RIMBP2: variants seen among roughly 807,000 people sequenced by gnomAD.
RIMBP2 encodes RIMS-binding protein 2.
In RIMBP2, 48 loss-of-function variants were observed where a neutral mutation model predicts 118.6. The observed-to-expected ratio is 0.40, with a 90% CI of 0.32 to 0.51. The LOEUF (loss-of-function observed/expected upper bound fraction) is 0.51, where lower values mean the gene tolerates loss of function less well. Among genes scored for constraint, RIMBP2 ranks in the 20% least tolerant of loss-of-function variants. The pLI is 0.41. For synonymous variants in RIMBP2, 762 were observed against 742.9 expected, an observed-to-expected ratio of 1.03 and a Z score of -0.42; for missense variants, 1,551 against 1,768.3, an observed-to-expected ratio of 0.88 and a Z score of 2.20.
chr12:130,440,502 C>T (rs1010627202), intron 11 of RIMBP2, among the ~76,000 whole-genome samples: 4 of 152,170 alleles, frequency 2.6e-5, no homozygotes, highest in Non-Finnish European at 5.9e-5. Flanking sequence ...TGAATCTCTC[C>T]ATCTCAAAGT....
At chr12:130,665,489 C>T (rs549774905) in intron 1 of RIMBP2, among the ~76,000 whole-genome samples, 7 of 151,298 alleles carry the variant, frequency 4.6e-5, no homozygotes, top group Non-Finnish European at 8.8e-5. Flanking sequence ...CGTACCACAG[C>T]GAGCCGAGAT....
intron 2 of RIMBP2, among the ~76,000 whole-genome samples, chr12:130,555,462 C>T (rs1333872787): frequency 6.6e-6 from 1 of 152,150 alleles, no homozygotes; most frequent in African/African-American, 2.4e-5. Context: ...CTTTATTCCA[C>T]TTAATGAACT....
intron 3 of RIMBP2, among the ~76,000 whole-genome samples, chr12:130,517,207 T>C (rs995449212): frequency 6.6e-6 from 1 of 151,992 alleles, no homozygotes; most frequent in Non-Finnish European, 1.5e-5. Context: ...GCTGGCTTAA[T>C]AAGAAGAGGA....
Position 130,670,090 on chromosome 12 carries a change from T to C in RIMBP2, c.-351-41634A>G, listed in dbSNP as rs7954337. ...AAAGACTCACAGAGGAGCACACAGA[T>C]ACACAGAAGAGGAGAGGGTAATGTG... On this transcript the variant is annotated intron_variant, in intron 1 of 22. Coordinates refer to ENST00000690449, the MANE Select transcript of RIMBP2 (RefSeq NM_001393629.1). This position sits in a 1 kb window ranked among gnomAD's most constrained non-coding sequence, Gnocchi z 4.9. Among the ~76,000 whole-genome samples, 152,036 of 152,212 alleles carry C rather than the reference T, an allele frequency of 1. 75,931 individuals are homozygous for C. Among genetic ancestry groups the C allele is most frequent in the Non-Finnish European group, 1 (68,036 of 68,036 alleles).
rs1462279638 is a variant in RIMBP2 at position 130,412,610 on chromosome 12, T to G, written c.3589+9A>C. The stretch of plus-strand genomic sequence containing the variant: ...GCACAGGGAAGGTCGAATAGGGGTT[T>G]GCGCTTACCTATTTTCTCCACAGGT... On this transcript the variant is annotated intron_variant, in intron 19 of 22. Transcript: ENST00000690449. 6.2e-7 allele frequency: 1 copy of G among 1,613,016 alleles called. No individual in the cohort carries two copies. Among genetic ancestry groups the G allele is most frequent in the Admixed American group, 1.7e-5 (1 of 59,890 alleles).
At chr12:130,499,202 C>T (rs1027616694) in intron 4 of RIMBP2, among the ~76,000 whole-genome samples, 1 of 152,120 alleles carries the variant, frequency 6.6e-6, no homozygotes, top group African/African-American at 2.4e-5. Flanking sequence ...GAAATCTGCC[C>T]CCATGATCCA....
chr12:130,652,181 G>A (rs569076889), intron 1 of RIMBP2, among the ~76,000 whole-genome samples: 55 of 152,294 alleles, frequency 3.6e-4, no homozygotes, highest in Middle Eastern at 6.8e-3. Flanking sequence ...TTGGTATATA[G>A]CAGGACCCAG....
chr12:130,589,945 A>G (rs7961827), intron 2 of RIMBP2, among the ~76,000 whole-genome samples: 68,146 of 151,946 alleles, frequency 0.45, 16,345 homozygotes, highest in African/African-American at 0.62. Flanking sequence ...AGGGTGAGGC[A>G]CTGGCACGGC....
Position 130,431,563 on chromosome 12 carries a change from ATAT to A in RIMBP2, c.2253+3168_2253+3170del, listed in dbSNP as rs764773113. The A allele has an allele frequency of 3.2e-4, 65 of 204,706 alleles. 1 individual carries two copies. In the East Asian group the frequency reaches 4.9e-3, roughly 16 times the overall value. The allele number at this position is 204,706 out of a possible 1,614,324, so 12.7% of individuals were successfully genotyped here. The stretch of plus-strand genomic sequence containing the variant: ...ATCACTTATTTTATGTTATATTATT[ATAT>A]TATTAACAATATATATTAACAATTA... On this transcript the variant is annotated intron_variant, in intron 14 of 22. Transcript: ENST00000690449. The surrounding 1 kb of genome is among the most constrained non-coding windows in gnomAD (Gnocchi z 4.0).
At position 130,422,329 on chromosome 12, in the gene RIMBP2, T is replaced by G; in HGVS notation, c.3238+124A>C. 1 of 582,212 alleles carries G rather than the reference T, an allele frequency of 1.7e-6. No individual in the cohort carries two copies. Among genetic ancestry groups the G allele is most frequent in the Admixed American group, 3.0e-5 (1 of 32,990 alleles). 36.1% of individuals were successfully genotyped at this position (582,212 alleles called of 1,614,324 possible). A position where few individuals can be genotyped will look rare whatever the true frequency, so the allele number is the denominator to read the frequency against. ...TGCTGTTCCTGCCTTCTTTTTGCCA[T>G]GAATAACAGTGTTCTTTGCTTAGCG... On this transcript the variant is annotated intron_variant, in intron 17 of 22. Coordinates refer to ENST00000690449, the MANE Select transcript of RIMBP2 (RefSeq NM_001393629.1). The surrounding 1 kb of genome is among the most constrained non-coding windows in gnomAD (Gnocchi z 5.2).
chr12:130,646,389 CCCTCACCACCTG>C (rs1566423354), intron 1 of RIMBP2, among the ~76,000 whole-genome samples: 11 of 121,898 alleles, frequency 9.0e-5, no homozygotes, highest in African/African-American at 1.6e-4. Flanking sequence ...CTCACCACCT[CCCTCACCACCTG>C]CCTCTCCACC....
intron 2 of RIMBP2, among the ~76,000 whole-genome samples, chr12:130,559,999 A>C (rs979991989): frequency 2.0e-5 from 3 of 152,196 alleles, no homozygotes; most frequent in African/African-American, 7.2e-5. Context: ...AGGGAAACTG[A>C]GAATGGGAGC....
chr12:130,450,516 C>T lies in RIMBP2; in HGVS notation c.505-240G>A, dbSNP rs987044515. Among the ~76,000 whole-genome samples the T allele has an allele frequency of 1.3e-5, 2 of 151,942 alleles. No homozygotes were observed. Among genetic ancestry groups the T allele is most frequent in the African/African-American group, 4.8e-5 (2 of 41,358 alleles). Reference sequence around the variant, plus strand: ...CCTCTGTGTTTGTAGAGAACCCAGTCCCCAAACAGGAAGGTAAGGCTCAAA... The same window carrying T: ...CCTCTGTGTTTGTAGAGAACCCAGTTCCCAAACAGGAAGGTAAGGCTCAAA... On this transcript the variant is annotated intron_variant, in intron 8 of 22. Coordinates refer to ENST00000690449, the MANE Select transcript of RIMBP2 (RefSeq NM_001393629.1). This position sits in a 1 kb window ranked among gnomAD's most constrained non-coding sequence, Gnocchi z 4.8.
intron 5 of RIMBP2, chr12:130,472,346 G>A (rs752024528): frequency 6.6e-6 from 1 of 152,242 alleles, no homozygotes; most frequent in Non-Finnish European, 1.5e-5. Flanking sequence ...AGGCTGTAAT[G>A]AGACAGAGAA....
intron 6 of RIMBP2, among the ~76,000 whole-genome samples, chr12:130,463,289 G>C (rs2137680669): frequency 6.6e-6 from 1 of 152,356 alleles, no homozygotes; most frequent in South Asian, 2.1e-4. Flanking sequence ...CCAGCCCCAT[G>C]GTGCTGCTCC....
At chr12:130,457,490 C>T (rs978414577) in intron 6 of RIMBP2, among the ~76,000 whole-genome samples, 6 of 152,184 alleles carry the variant, frequency 3.9e-5, no homozygotes, top group African/African-American at 7.2e-5. Context: ...GGCAAAGCCC[C>T]GCTCCCTGCT....
intron 2 of RIMBP2, among the ~76,000 whole-genome samples, chr12:130,566,175 G>GCA (rs3047801): frequency 0.047 from 6,912 of 148,076 alleles, 163 homozygotes; most frequent in East Asian, 0.054. Flanking sequence ...ATACACACAT[G>GCA]CACACACACA....
intron 1 of RIMBP2, among the ~76,000 whole-genome samples, chr12:130,651,079 T>C (rs1312456425): frequency 1.3e-5 from 2 of 151,940 alleles, no homozygotes; most frequent in Non-Finnish European, 2.9e-5. Context: ...AATGAAGAAC[T>C]ACAGCCTGGG....
At chr12:130,496,595 A>G (rs780381002) in intron 4 of RIMBP2, among the ~76,000 whole-genome samples, 1 of 152,014 alleles carries the variant, frequency 6.6e-6, no homozygotes, top group Non-Finnish European at 1.5e-5. Flanking sequence ...GTGATACCTC[A>G]TGAAAGGCCA....
Sources: gnomAD v4.1 joint callset for allele counts (sites outside exome capture counted in the v4.1 genomes callset) on GRCh38, gnomAD v4.1.1 for gene constraint, Gnocchi (gnomAD v3.1) non-coding constraint, MANE v1.5 for transcripts, NCBI Gene and HGNC (gene_info 2026-07-23, HGNC 2026-07-21) for gene names.